Variants in GABRB3 observed in about 807,000 individuals in gnomAD.
GABRB3 encodes the protein gamma-aminobutyric acid type A receptor subunit beta3, also known as gamma-aminobutyric acid receptor subunit beta-3.
GABRB3 carries 14 observed loss-of-function variants against 52.1 expected under a neutral mutation model. The ratio of observed to expected loss-of-function variants is 0.27; its 90% CI spans 0.18 to 0.42. The LOEUF (loss-of-function observed/expected upper bound fraction) is 0.42. GABRB3 is among the 10% of genes least tolerant of loss of function. The pLI is 1.00. For synonymous variants in GABRB3, 260 were observed against 232.3 expected (o/e 1.12, Z -1.08); for missense variants, 307 against 609.1 (o/e 0.50, Z 5.22).
intron 3 of GABRB3, among the ~76,000 whole-genome samples, chr15:26,707,344 C>T (rs897741793): frequency 6.6e-6 from 1 of 152,084 alleles, no homozygotes; most frequent in Non-Finnish European, 1.5e-5. Context: ...GCAGAGGAAC[C>T]AGTTGGGAAA....
At chr15:26,666,304 G>A (rs1056799344) in intron 3 of GABRB3, 1 of 152,176 alleles carries the variant, frequency 6.6e-6, no homozygotes, top group Non-Finnish European at 1.5e-5. Context: ...TCTATTGCTT[G>A]GCAGATGGGA....
intron 3 of GABRB3, among the ~76,000 whole-genome samples, chr15:26,640,905 T>A (rs574206029): frequency 1.1e-4 from 16 of 152,232 alleles, no homozygotes; most frequent in Non-Finnish European, 2.2e-4. Context: ...GTTTATAATT[T>A]ATAACTGGCA....
chr15:26,551,494 G>A (rs567919881), intron 8 of GABRB3, among the ~76,000 whole-genome samples: 10 of 152,296 alleles, frequency 6.6e-5, no homozygotes, highest in South Asian at 2.1e-4. Context: ...CTGGGCCTTC[G>A]CCTGCCCAGT....
At chr15:26,661,402 A>G (rs924971947) in intron 3 of GABRB3, among the ~76,000 whole-genome samples, 11 of 152,080 alleles carry the variant, frequency 7.2e-5, no homozygotes, top group African/African-American at 2.7e-4. Flanking sequence ...TATCTAACAC[A>G]CTTGGTATCT....
intron 4 of GABRB3, among the ~76,000 whole-genome samples, chr15:26,600,530 A>G (rs1420034047): frequency 6.6e-6 from 1 of 152,240 alleles, no homozygotes; most frequent in Admixed American, 6.5e-5. Flanking sequence ...GACTATCAGC[A>G]GACTTATCAA....
At chr15:26,701,252 T>A (rs1019081829) in intron 3 of GABRB3, among the ~76,000 whole-genome samples, 2 of 151,166 alleles carry the variant, frequency 1.3e-5, no homozygotes, top group Admixed American at 1.3e-4. Flanking sequence ...CCAGCCAGTG[T>A]GGTAAGTTGG....
chr15:26,615,766 C>T (rs1452399910), intron 4 of GABRB3: 5 of 1,133,008 alleles, frequency 4.4e-6, no homozygotes, highest in African/African-American at 3.2e-5. Context: ...AGCTAAGTGG[C>T]GACTGACCTA....
chr15:26,771,960 T>C (rs1891157201), intron 3 of GABRB3: 1 of 160,480 alleles, frequency 6.2e-6, no homozygotes. Context: ...CAGAATCTCT[T>C]TCCAAACGAC....
chr15:26,632,092 G>A (rs752922046), intron 3 of GABRB3, among the ~76,000 whole-genome samples: 9 of 152,238 alleles, frequency 5.9e-5, no homozygotes, highest in Non-Finnish European at 1.0e-4. Context: ...CAAGTGACAG[G>A]CGACCTCACT....
intron 3 of GABRB3, among the ~76,000 whole-genome samples, chr15:26,674,066 C>CCTT (rs1555375545): frequency 6.9e-6 from 1 of 145,680 alleles, no homozygotes; most frequent in African/African-American, 2.5e-5. Context: ...TAACCCCCCC[C>CCTT]TTTTTTTTTT....
chr15:26,710,036 C>T (rs1889244143), intron 3 of GABRB3, among the ~76,000 whole-genome samples: 1 of 152,278 alleles, frequency 6.6e-6, no homozygotes, highest in Non-Finnish European at 1.5e-5. Context: ...GAATCATAGG[C>T]TATGTAGTCT....
chr15:26,769,571 C>T (rs553428963), intron 3 of GABRB3, among the ~76,000 whole-genome samples: 1 of 152,290 alleles, frequency 6.6e-6, no homozygotes, highest in African/African-American at 2.4e-5. Flanking sequence ...GGAATCTCCC[C>T]TTCTAAATCT....
chr15:26,615,200 C>G, intron 4 of GABRB3: 1 of 814,582 alleles, frequency 1.2e-6, no homozygotes, highest in Non-Finnish European at 1.5e-6. Context: ...TCAAAGAAAA[C>G]AGAAAAGCTG....
At chr15:26,669,277 T>G (rs1887812974) in intron 3 of GABRB3, among the ~76,000 whole-genome samples, 1 of 152,292 alleles carries the variant, frequency 6.6e-6, no homozygotes, top group African/African-American at 2.4e-5. Context: ...GGGAAGTATC[T>G]CCAAAATTTA....
At chr15:26,639,441 C>T (rs1359899820) in intron 3 of GABRB3, among the ~76,000 whole-genome samples, 1 of 151,616 alleles carries the variant, frequency 6.6e-6, no homozygotes, top group Non-Finnish European at 1.5e-5. Flanking sequence ...ATTTACATGG[C>T]ATTTACATTT....
intron 3 of GABRB3, among the ~76,000 whole-genome samples, chr15:26,663,746 C>G (rs1318728644): frequency 6.6e-6 from 1 of 152,074 alleles, no homozygotes; most frequent in African/African-American, 2.4e-5. Context: ...AAGGCTAAAG[C>G]CTGCCAATTT....
At chr15:26,698,644 G>C (rs909922945) in intron 3 of GABRB3, among the ~76,000 whole-genome samples, 3 of 152,072 alleles carry the variant, frequency 2.0e-5, no homozygotes, top group African/African-American at 7.2e-5. Context: ...GAGGGAAGGG[G>C]CAACGTTAAG....
chr15:26,671,822 AG>A lies in GABRB3; in HGVS notation c.241-50289del, dbSNP rs556211344. ...AGTGCCACGGGGGGACAAGGTGGTGAGGGCTCTGAGCCTGCTGAGCAGACCA... is the reference window on the plus strand; with the variant it reads ...AGTGCCACGGGGGGACAAGGTGGTGAGGCTCTGAGCCTGCTGAGCAGACCA... On this transcript the variant is annotated intron_variant, in intron 3 of 8. Transcript: ENST00000311550. Among the ~76,000 whole-genome samples, 153 of 152,266 alleles carry A rather than the reference AG, an allele frequency of 1.0e-3. 3 individuals carry two copies. Among genetic ancestry groups the A allele is most frequent in the Middle Eastern group, 3.4e-3 (1 of 294 alleles).
intron 4 of GABRB3, among the ~76,000 whole-genome samples, chr15:26,598,949 G>A (rs1358938074): frequency 1.3e-5 from 2 of 152,178 alleles, no homozygotes; most frequent in Non-Finnish European, 2.9e-5. Flanking sequence ...TTTCTAGATG[G>A]CTAGTCAACA....
Sources: allele counts gnomAD v4.1 joint callset (sites outside exome capture counted in the v4.1 genomes callset), GRCh38; gene constraint gnomAD v4.1.1; transcripts MANE v1.5; gene names NCBI Gene and HGNC (gene_info 2026-07-23, HGNC 2026-07-21).